Variants in NTN1 observed in about 807,000 individuals in gnomAD.
NTN1 encodes the protein netrin 1.
NTN1 carries 11 observed loss-of-function variants against 54.2 expected under a neutral mutation model. That is an observed-to-expected ratio of 0.20 (90% confidence interval 0.13 to 0.34). NTN1 has a LOEUF of 0.34. NTN1 is among the 10% of genes least tolerant of loss of function. The probability of loss-of-function intolerance (pLI) is 1.00; values close to 1 mark genes in which losing one functional copy is unlikely to be tolerated. For missense variants in NTN1, 740 were observed against 893.1 expected, an observed-to-expected ratio of 0.83 and a Z score of 2.18; for synonymous variants, 371 against 382.0, an observed-to-expected ratio of 0.97 and a Z score of 0.33.
intron 5 of NTN1, among the ~76,000 whole-genome samples, chr17:9,210,951 C>T (rs1396803402): frequency 4.0e-5 from 5 of 123,546 alleles, no homozygotes; most frequent in African/African-American, 1.5e-4. Context: ...TCACCTTAGA[C>T]TATTTTTAGT....
chr17:9,010,636 G>A, the NTN1 span, among the ~76,000 whole-genome samples: 2 of 152,062 alleles, frequency 1.3e-5, no homozygotes, highest in Non-Finnish European at 2.9e-5. Context: ...AGTTTCCTGC[G>A]GCTGCTGTAA....
chr17:9,145,058 C>T (rs985145710), intron 2 of NTN1, among the ~76,000 whole-genome samples: 7 of 152,198 alleles, frequency 4.6e-5, no homozygotes, highest in African/African-American at 1.4e-4. Flanking sequence ...CGAGGCTGGC[C>T]GGCTCCCCAG....
At chr17:9,227,489 AC>A (rs57787031) in intron 6 of NTN1, among the ~76,000 whole-genome samples, 44,334 of 150,940 alleles carry the variant, frequency 0.29, 6,699 homozygotes, top group African/African-American at 0.38. Flanking sequence ...TAGCACACAC[AC>A]ATGCACATAC....
chr17:9,064,667 C>T (rs992305631), intron 2 of NTN1, among the ~76,000 whole-genome samples: 1 of 152,250 alleles, frequency 6.6e-6, no homozygotes, highest in African/African-American at 2.4e-5. Context: ...ATCATTCACA[C>T]TGCCGAGTCA....
At chr17:9,018,746 C>T (rs2091837248), upstream of NTN1, among the ~76,000 whole-genome samples, 2 of 152,100 alleles carry the variant, frequency 1.3e-5, no homozygotes, top group East Asian at 1.9e-4. Context: ...GCTGAGCACC[C>T]CAATTTGCTT....
At chr17:9,131,903 A>G (rs537128769) in intron 2 of NTN1, among the ~76,000 whole-genome samples, 1 of 151,932 alleles carries the variant, frequency 6.6e-6, no homozygotes, top group African/African-American at 2.4e-5. Context: ...TCCTAGGTTC[A>G]AGCAATTCTC....
At chr17:9,159,000 G>C (rs1039431253) in intron 2 of NTN1, among the ~76,000 whole-genome samples, 1 of 152,140 alleles carries the variant, frequency 6.6e-6, no homozygotes, top group African/African-American at 2.4e-5. Flanking sequence ...GAGTGACTTG[G>C]CAGTGACTCT....
chr17:9,120,851 G>T (rs1272447682), intron 2 of NTN1, among the ~76,000 whole-genome samples: 1 of 152,210 alleles, frequency 6.6e-6, no homozygotes, highest in Non-Finnish European at 1.5e-5. Context: ...TCATATTAAG[G>T]TCTCCTTTCC....
the NTN1 span, among the ~76,000 whole-genome samples, chr17:9,003,968 G>A: frequency 6.6e-6 from 1 of 152,324 alleles, no homozygotes; most frequent in Admixed American, 6.5e-5. The surrounding 1 kb of genome is among the most constrained non-coding windows in gnomAD (Gnocchi z 7.4). Context: ...CGGCTCCCGG[G>A]AATCACTCAC....
At chr17:9,035,965 T>G (rs967265161) in intron 2 of NTN1, among the ~76,000 whole-genome samples, 13 of 152,172 alleles carry the variant, frequency 8.5e-5, no homozygotes, top group African/African-American at 3.1e-4. Flanking sequence ...GAGGTTGCAG[T>G]GAGCCAAGAT....
At chr17:9,159,732 C>T (rs1286273146) in intron 2 of NTN1, among the ~76,000 whole-genome samples, 1 of 151,994 alleles carries the variant, frequency 6.6e-6, no homozygotes, top group Non-Finnish European at 1.5e-5. Flanking sequence ...ACCTGGGAGG[C>T]GGAGGTTGCA....
At chr17:9,051,283 G>A (rs769774629) in intron 2 of NTN1, among the ~76,000 whole-genome samples, 1 of 152,198 alleles carries the variant, frequency 6.6e-6, no homozygotes, top group Non-Finnish European at 1.5e-5. Context: ...CTTGGAGCTC[G>A]CAGACAGGCC....
chr17:9,125,767 G>A (rs376614799), intron 2 of NTN1, among the ~76,000 whole-genome samples: 27 of 152,228 alleles, frequency 1.8e-4, no homozygotes, highest in African/African-American at 6.0e-4. Context: ...CACCATGCCC[G>A]GCTCTTTCAT....
chr17:9,234,962 T>C lies in NTN1; in HGVS notation c.1487-4678T>C, dbSNP rs917931660. On this transcript the variant is annotated intron_variant, in intron 6 of 6. Coordinates refer to ENST00000173229, the MANE Select transcript of NTN1 (RefSeq NM_004822.3). ...TTTTTTTTGTCTGTTTTTTGTTTTT[T>C]GGTTTTTTTTTTTTTTTGAGATGGA... Among the ~76,000 whole-genome samples the C allele has an allele frequency of 1.0e-4, 9 of 88,328 alleles. 1 individual carries two copies. The South Asian group carries it at 3.1e-3, about 30-fold the overall frequency. 57.9% of individuals were successfully genotyped at this position (88,328 alleles called of 152,430 possible).
chr17:9,084,004 C>T (rs928987091), intron 2 of NTN1, among the ~76,000 whole-genome samples: 81 of 152,072 alleles, frequency 5.3e-4, no homozygotes, highest in Admixed American at 5.0e-3. Flanking sequence ...ATTGAAAAAG[C>T]GTCTATCATG....
At chr17:9,193,974 G>A (rs1373909444) in intron 5 of NTN1, among the ~76,000 whole-genome samples, 9 of 144,914 alleles carry the variant, frequency 6.2e-5, no homozygotes, top group Non-Finnish European at 1.2e-4. Flanking sequence ...AGAGGCTCAC[G>A]CCTGTAATCC....
intron 6 of NTN1, among the ~76,000 whole-genome samples, chr17:9,222,882 TTGTG>T (rs57722510): frequency 6.6e-6 from 1 of 151,726 alleles, no homozygotes; most frequent in Non-Finnish European, 1.5e-5. Context: ...TTCTCGTTTA[TTGTG>T]TGTGTGTGTG....
intron 2 of NTN1, among the ~76,000 whole-genome samples, chr17:9,033,261 T>G (rs1216576702): frequency 6.6e-6 from 1 of 151,964 alleles, no homozygotes; most frequent in African/African-American, 2.4e-5. Flanking sequence ...GCCCAATCCT[T>G]TTTAAACCAT....
intron 3 of NTN1, 70 bp from the exon 4 acceptor site, chr17:9,179,737 G>A (rs1337252379): frequency 6.5e-7 from 1 of 1,547,708 alleles, no homozygotes; most frequent in Non-Finnish European, 8.7e-7. Flanking sequence ...GCCCTGGGTA[G>A]GGAAGGCTCT....
Sources: gnomAD v4.1 joint callset for allele counts (sites outside exome capture counted in the v4.1 genomes callset) on GRCh38, gnomAD v4.1.1 for gene constraint, Gnocchi (gnomAD v3.1) non-coding constraint, MANE v1.5 for transcripts, NCBI Gene and HGNC (gene_info 2026-07-23, HGNC 2026-07-21) for gene names.